Variants in WAPL observed in about 807,000 individuals in gnomAD.
WAPL encodes the protein WAPL cohesin release factor.
Under a neutral mutation model 121.0 loss-of-function variants are expected in WAPL, and 5 were observed. The ratio of observed to expected loss-of-function variants is 0.04; its 90% confidence interval spans 0.02 to 0.09. The LOEUF (loss-of-function observed/expected upper bound fraction) is 0.09, where lower values mean the gene tolerates loss of function less well. Ranked by LOEUF, WAPL falls within the 10% of genes least tolerant of loss-of-function variation. WAPL has a pLI of 1.00. For missense variants in WAPL, 999 were observed against 1,410.8 expected, an observed-to-expected ratio of 0.71 and a Z score of 4.68; for synonymous variants, 480 against 481.5, an observed-to-expected ratio of 1.00 and a Z score of 0.04.
At chr10:86,486,705 C>T (rs1333424340) in intron 4 of WAPL, among the ~76,000 whole-genome samples, 3 of 152,190 alleles carry the variant, frequency 2.0e-5, no homozygotes, top group Non-Finnish European at 4.4e-5. Context: ...CCTGTAATCC[C>T]ACCACTTTGG....
At chr10:86,454,359 G>C (rs1050909600) in intron 12 of WAPL, among the ~76,000 whole-genome samples, 4 of 151,666 alleles carry the variant, frequency 2.6e-5, no homozygotes, top group Non-Finnish European at 5.9e-5. Context: ...AAGGATTCTC[G>C]CTCTCCCTCT....
Position 86,437,480 on chromosome 10 carries a change from TG to T in WAPL, c.*62del. The T allele has an allele frequency of 6.5e-7, 1 of 1,549,538 alleles. No homozygotes were observed. ...ATCTTCAAGGACTTCTTTCATGACT[TG>T]ACTTTTCTTTGTCTAAGGATAGCTC... On this transcript the variant is annotated 3_prime_UTR_variant, in exon 19 of 19. Coordinates refer to ENST00000298767, the MANE Select transcript of WAPL (RefSeq NM_015045.5).
intron 17 of WAPL, among the ~76,000 whole-genome samples, chr10:86,440,050 C>T (rs1849422679): frequency 6.6e-6 from 1 of 152,134 alleles, no homozygotes. Flanking sequence ...AAATCTGGGG[C>T]TCTATGAATT....
rs1354171917 is a variant in WAPL, at chr10:86,435,502, T to C, written c.*2041A>G. Reference sequence around the variant, plus strand: ...AAAAAGGTTACTTTAAAACTTTTAGTTAAGTCAGCCTCAAGTACCCTAAAA... The same window carrying C: ...AAAAAGGTTACTTTAAAACTTTTAGCTAAGTCAGCCTCAAGTACCCTAAAA... On this transcript the variant is annotated 3_prime_UTR_variant, in exon 19 of 19. Coordinates refer to ENST00000298767, the MANE Select transcript of WAPL (RefSeq NM_015045.5). The C allele has an allele frequency of 6.6e-6, 1 of 152,612 alleles. No homozygotes were observed. Among genetic ancestry groups the C allele is most frequent in the African/African-American group, 2.4e-5 (1 of 41,430 alleles). The allele number at this position is 152,612 out of a possible 1,614,324, so 9.5% of individuals were successfully genotyped here.
At chr10:86,478,043 G>GA (rs1222297316) in intron 4 of WAPL, among the ~76,000 whole-genome samples, 1 of 145,166 alleles carries the variant, frequency 6.9e-6, no homozygotes, top group African/African-American at 2.6e-5. Flanking sequence ...CAACAAAAGC[G>GA]AAACTCTGTC....
At chr10:86,460,609 C>T in intron 10 of WAPL, 113 bp from the exon 11 acceptor site, 1 of 723,826 alleles carries the variant, frequency 1.4e-6, no homozygotes, top group Non-Finnish European at 2.2e-6. Flanking sequence ...ATGCTGGAAC[C>T]TCTCTGAACA....
chr10:86,510,619 G>A (rs1453774426), intron 2 of WAPL, among the ~76,000 whole-genome samples: 1 of 152,110 alleles, frequency 6.6e-6, no homozygotes, highest in Non-Finnish European at 1.5e-5. Flanking sequence ...CAAACCTTGA[G>A]AATAATACTC....
At chr10:86,453,481 A>G (rs1029583002) in intron 13 of WAPL, 146 bp from the exon 14 acceptor site, 2 of 1,177,398 alleles carry the variant, frequency 1.7e-6, no homozygotes, top group Middle Eastern at 2.2e-4. Context: ...GGGTCAAGCT[A>G]CTAGGCTTCT....
At chr10:86,464,168 C>T (rs1841348924) in intron 9 of WAPL, among the ~76,000 whole-genome samples, 1 of 152,166 alleles carries the variant, frequency 6.6e-6, no homozygotes, top group Admixed American at 6.5e-5. Flanking sequence ...CAAAACAACA[C>T]AGTAAATCTA....
chr10:86,502,954 T>TC (rs1195560878), intron 2 of WAPL, among the ~76,000 whole-genome samples: 1 of 150,306 alleles, frequency 6.7e-6, no homozygotes, highest in African/African-American at 2.5e-5. Flanking sequence ...GGTCAGGAGT[T>TC]CGAGGCCAGC....
At chr10:86,454,629 G>A (rs1394344539) in intron 12 of WAPL, among the ~76,000 whole-genome samples, 2 of 152,228 alleles carry the variant, frequency 1.3e-5, no homozygotes, top group Non-Finnish European at 2.9e-5. Context: ...AAAGTGCGGA[G>A]ACTGCAGCCT....
At chr10:86,467,051 G>A in intron 9 of WAPL, 3 of 472,606 alleles carry the variant, frequency 6.3e-6, no homozygotes, top group Non-Finnish European at 7.6e-6. Context: ...AAATGCAACA[G>A]AAAATGTGCA....
At chr10:86,457,063 T>A (rs1841165348) in intron 12 of WAPL, among the ~76,000 whole-genome samples, 1 of 152,204 alleles carries the variant, frequency 6.6e-6, no homozygotes, top group Admixed American at 6.5e-5. Context: ...GAGATATTTT[T>A]AAATCAGAAA....
Position 86,500,122 on chromosome 10 carries a change from T to C in WAPL, c.1121A>G (p.Gln374Arg), listed in dbSNP as rs140780773. Residue 374 changes from glutamine to arginine, a missense_variant, in exon 3 of 19, where the codon CAG (glutamine) becomes CGG (arginine). Gln to Arg is a conservative substitution (Grantham distance 43). Around this residue, in one of 7 missense-constraint regions of WAPL, gnomAD observed 531 missense variants for 563.1 expected, o/e 0.94. Coordinates refer to ENST00000298767, the MANE Select transcript of WAPL (RefSeq NM_015045.5). ...SCLSVCNVTI[Q>R]DTMERSMDEF... is the part of the protein sequence containing the mutation. The stretch of plus-strand genomic sequence containing the variant: ...ATCCATGCTGCGTTCCATAGTATCC[T>C]GTATGGTAACATTACAAACTGACAA... The C allele has an allele frequency of 8.5e-4, 1,367 of 1,614,216 alleles. No homozygotes were observed. Among genetic ancestry groups the C allele is most frequent in the Non-Finnish European group, 9.6e-4 (1,138 of 1,180,038 alleles).
intron 1 of WAPL, among the ~76,000 whole-genome samples, chr10:86,520,033 C>G (rs773330281): frequency 1.4e-4 from 21 of 152,194 alleles, no homozygotes; most frequent in Non-Finnish European, 2.8e-4. Context: ...CGGCAGGTCA[C>G]GCCTGTAATT....
intron 4 of WAPL, among the ~76,000 whole-genome samples, chr10:86,484,276 G>T (rs1334487888): frequency 6.6e-6 from 1 of 152,146 alleles, no homozygotes; most frequent in Non-Finnish European, 1.5e-5. Context: ...TGGGAGGATT[G>T]CTTGAGCCCA....
chr10:86,471,210 A>C lies in WAPL; in HGVS notation c.2031-107T>G, dbSNP rs1467887570. The C allele has an allele frequency of 1.0e-5, 8 of 768,176 alleles. No individual in the cohort carries two copies. In the East Asian group the frequency reaches 2.1e-4, roughly 20 times the overall value. The allele number at this position is 768,176 out of a possible 1,614,324, so 47.6% of individuals were successfully genotyped here. On this transcript the variant is annotated intron_variant, in intron 7 of 18. Coordinates refer to ENST00000298767, the MANE Select transcript of WAPL (RefSeq NM_015045.5). ...AATAGGAAGGGGGTAAAAGGGTCAAAGCATTGCCCATACATGATCACAATA... is the reference window on the plus strand; with the variant it reads ...AATAGGAAGGGGGTAAAAGGGTCAACGCATTGCCCATACATGATCACAATA...
intron 16 of WAPL, among the ~76,000 whole-genome samples, chr10:86,444,892 C>CAAAAAAAAAAAAAAAAAAAAAAAAAA (rs35307250): frequency 1.5e-5 from 1 of 68,196 alleles, no homozygotes; most frequent in Admixed American, 1.7e-4. Flanking sequence ...GTTATTACGC[C>CAAAAAAAAAAAAAAAAAAAAAAAAAA]AAAAAAAAAA....
At chr10:86,505,188 T>A (rs577407948) in intron 2 of WAPL, among the ~76,000 whole-genome samples, 1 of 32,080 alleles carries the variant, frequency 3.1e-5, no homozygotes, top group South Asian at 1.3e-3. Flanking sequence ...AGGATTTTTT[T>A]ATGTTTTTTT....
Sources: allele counts gnomAD v4.1 joint callset (sites outside exome capture counted in the v4.1 genomes callset), GRCh38; gene constraint gnomAD v4.1.1; regional missense constraint gnomAD v4.1.1; transcripts MANE v1.5; gene names NCBI Gene and HGNC (gene_info 2026-07-23, HGNC 2026-07-21).